BLTP2: variants seen among roughly 807,000 people sequenced by gnomAD.
The protein encoded by BLTP2 is bridge-like lipid transfer protein family member 2, also known as U937-associated antigen.
At chr17:28,615,554 T>C in the BLTP2 span, 1 of 1,380,556 alleles carries the variant, frequency 7.2e-7, no homozygotes, top group East Asian at 2.3e-5. Flanking sequence ...TTCATGCACC[T>C]GCCCCTTCCC....
chr17:28,617,058 C>G, the BLTP2 span: 1 of 1,346,464 alleles, frequency 7.4e-7, no homozygotes, highest in Non-Finnish European at 1.0e-6. Context: ...ATAAAGCAAC[C>G]CACAAATCCT....
At chr17:28,615,893 C>T in the BLTP2 span, 4 of 1,347,794 alleles carry the variant, frequency 3.0e-6, no homozygotes, top group Admixed American at 7.5e-5. Flanking sequence ...GTGCCAAGTC[C>T]TACAATAGTA....
At chr17:28,619,622 T>C in the BLTP2 span, 2 of 1,612,402 alleles carry the variant, frequency 1.2e-6, no homozygotes, top group Non-Finnish European at 1.7e-6. Context: ...GCTGGGGCAC[T>C]GGAAAAGGGC....
the BLTP2 span, chr17:28,638,538 T>G: frequency 6.2e-7 from 1 of 1,610,940 alleles, no homozygotes; most frequent in South Asian, 1.1e-5. Context: ...AGAGATAGAA[T>G]TGAATCCCAA....
At chr17:28,642,415 G>C in the BLTP2 span, 1 of 1,116,688 alleles carries the variant, frequency 9.0e-7, no homozygotes, top group Non-Finnish European at 1.4e-6. Context: ...ACTTTGGGAG[G>C]CCAAGGTGGG....
the BLTP2 span, among the ~76,000 whole-genome samples, chr17:28,630,686 G>A: frequency 6.6e-6 from 1 of 151,654 alleles, no homozygotes; most frequent in African/African-American, 2.4e-5. Context: ...GTTTCACCAT[G>A]TTGGTCAGGC....
At chr17:28,643,034 G>A in the BLTP2 span, 1 of 1,512,148 alleles carries the variant, frequency 6.6e-7, no homozygotes, top group Non-Finnish European at 9.2e-7. Context: ...TTAAGGAACT[G>A]CCCTTCCTTT....
chr17:28,624,636 G>C, the BLTP2 span, among the ~76,000 whole-genome samples: 1 of 152,022 alleles, frequency 6.6e-6, no homozygotes, highest in Non-Finnish European at 1.5e-5. Flanking sequence ...GAAATGCTAG[G>C]TAACATTTTT....
At chr17:28,637,317 C>A in the BLTP2 span, 1 of 686,752 alleles carries the variant, frequency 1.5e-6, no homozygotes, top group Non-Finnish European at 2.5e-6. Context: ...TAAACTTTCC[C>A]TTTCCCATCT....
chr17:28,642,085 G>C, the BLTP2 span: 2 of 1,612,816 alleles, frequency 1.2e-6, no homozygotes, highest in Non-Finnish European at 1.7e-6. Flanking sequence ...CCTCCTGTGG[G>C]GATGATAAGC....
the BLTP2 span, among the ~76,000 whole-genome samples, chr17:28,622,848 G>A: frequency 7.9e-5 from 12 of 152,066 alleles, no homozygotes; most frequent in Non-Finnish European, 1.5e-4. Flanking sequence ...AGGCCGAGGC[G>A]GGCGGATCAC....
At chr17:28,639,665 T>C in the BLTP2 span, 1 of 1,610,452 alleles carries the variant, frequency 6.2e-7, no homozygotes, top group Non-Finnish European at 8.5e-7. Context: ...AGAGGACAGA[T>C]CAGAGGAGAG....
At chr17:28,637,093 C>G in the BLTP2 span, 8 of 1,614,082 alleles carry the variant, frequency 5.0e-6, no homozygotes, top group South Asian at 8.8e-5. Flanking sequence ...AGCGCTAACA[C>G]AAGTCCTTGA....
the BLTP2 span, chr17:28,616,606 A>C: frequency 6.2e-7 from 1 of 1,614,156 alleles, no homozygotes; most frequent in Non-Finnish European, 8.5e-7. The surrounding 1 kb of genome is among the most constrained non-coding windows in gnomAD (Gnocchi z 4.8). Context: ...GCTCCACCAT[A>C]AAAGTTCTCA....
the BLTP2 span, among the ~76,000 whole-genome samples, chr17:28,620,298 A>G: frequency 1.3e-5 from 2 of 152,370 alleles, no homozygotes; most frequent in South Asian, 4.1e-4. Flanking sequence ...AGGAGAAAAC[A>G]ATCAGGCAAA....
the BLTP2 span, among the ~76,000 whole-genome samples, chr17:28,621,947 CAG>C: frequency 2.0e-5 from 3 of 152,094 alleles, no homozygotes; most frequent in African/African-American, 4.8e-5. Flanking sequence ...AAGCTGAAGT[CAG>C]AGTGAATAAC....
chr17:28,643,094 A>G, the BLTP2 span: 1 of 1,600,504 alleles, frequency 6.2e-7, no homozygotes, highest in Non-Finnish European at 8.6e-7. Context: ...AAAAACAGAA[A>G]AATCTACCCA....
the BLTP2 span, among the ~76,000 whole-genome samples, chr17:28,636,222 TA>T: frequency 6.6e-6 from 1 of 152,268 alleles, no homozygotes; most frequent in African/African-American, 2.4e-5. Flanking sequence ...TTCTAGTCTC[TA>T]AAAAGGAAAC....
the BLTP2 span, among the ~76,000 whole-genome samples, chr17:28,623,160 T>A: frequency 2.6e-5 from 4 of 151,858 alleles, no homozygotes; most frequent in Non-Finnish European, 4.4e-5. Context: ...AAAAAAAAAA[T>A]AAGAGTACTT....
Sources: gnomAD v4.1 joint callset for allele counts (sites outside exome capture counted in the v4.1 genomes callset) on GRCh38, gnomAD v4.1.1 for gene constraint, Gnocchi (gnomAD v3.1) non-coding constraint, MANE v1.5 for transcripts, NCBI Gene and HGNC (gene_info 2026-07-23, HGNC 2026-07-21) for gene names.